The following ADAM12 variants were observed in gnomAD, a reference collection of about 807,000 sequenced individuals.
ADAM12 encodes the protein disintegrin and metalloproteinase domain-containing protein 12.
ADAM12 carries 70 observed loss-of-function variants against 106.4 expected under a neutral mutation model. That is an observed-to-expected ratio of 0.66 (90% CI 0.54 to 0.80). The LOEUF (loss-of-function observed/expected upper bound fraction) is 0.80, where lower values mean the gene tolerates loss of function less well. Among genes scored for constraint, ADAM12 ranks in the 30% least tolerant of loss-of-function variants. The pLI, the probability that ADAM12 is intolerant of heterozygous loss-of-function variation, is 0.00. For missense variants in ADAM12, 1,010 were observed against 1,171.9 expected (o/e 0.86, Z 2.02); for synonymous variants, 420 against 433.5 (o/e 0.97, Z 0.39).
rs1856387805 is a variant in ADAM12, at chr10:126,378,783, T to C, written c.88+9275A>G. 3.3e-5 allele frequency among the ~76,000 whole-genome samples: 5 copies of C among 152,354 alleles called. No individual in the cohort carries two copies. The South Asian group carries it at 1.0e-3, about 32-fold the overall frequency. On this transcript the variant is annotated intron_variant, in intron 1 of 22. Coordinates refer to ENST00000448723, the MANE Select transcript of ADAM12 (RefSeq NM_001288973.2). The stretch of plus-strand genomic sequence containing the variant: ...ATATGGGTGTATAACTTATTCTATG[T>C]CCATTTTTCAACTTTAAAATTGTCA...
intron 3 of ADAM12, among the ~76,000 whole-genome samples, chr10:126,175,879 G>A (rs929504629): frequency 1.3e-5 from 2 of 152,360 alleles, no homozygotes; most frequent in East Asian, 3.9e-4. Context: ...TCATGCAAGA[G>A]AGCCCAGTCA....
At chr10:126,079,632 A>G (rs1434289098) in intron 11 of ADAM12, among the ~76,000 whole-genome samples, 1 of 152,200 alleles carries the variant, frequency 6.6e-6, no homozygotes, top group African/African-American at 2.4e-5. Context: ...CAACTTCCCT[A>G]GATTTAAAAT....
intron 4 of ADAM12, among the ~76,000 whole-genome samples, chr10:126,152,670 TAAA>T (rs1294152929): frequency 6.6e-6 from 1 of 152,092 alleles, no homozygotes; most frequent in Non-Finnish European, 1.5e-5. Flanking sequence ...GTGAATCCTG[TAAA>T]AATGATGTAG....
In ADAM12 at chr10:126,041,681, C is replaced by T. The variant is rs145156529; in HGVS notation, c.2104+1359G>A. On this transcript the variant is annotated intron_variant, in intron 18 of 22. Coordinates refer to ENST00000448723, the MANE Select transcript of ADAM12 (RefSeq NM_001288973.2). The stretch of plus-strand genomic sequence containing the variant: ...ATATAATAAATGCTAAAAGCCATAT[C>T]AGAGCATTAAGTTGCAGCCAGAGAC... The T allele has an allele frequency of 1.1e-3, 1,079 of 998,126 alleles. 3 individuals carry two copies. In the African/African-American group the frequency reaches 0.016, roughly 15 times the overall value. The allele number at this position is 998,126 out of a possible 1,614,324, so 61.8% of individuals were successfully genotyped here.
intron 3 of ADAM12, among the ~76,000 whole-genome samples, chr10:126,276,260 C>T (rs1422925845): frequency 2.6e-5 from 4 of 152,150 alleles, no homozygotes; most frequent in Non-Finnish European, 5.9e-5. Flanking sequence ...TTATTGTACT[C>T]ATTGTTAAAC....
chr10:126,076,531 A>G (rs1404355283), intron 11 of ADAM12, among the ~76,000 whole-genome samples: 1 of 152,016 alleles, frequency 6.6e-6, no homozygotes, highest in Non-Finnish European at 1.5e-5. Context: ...AGCATCTGTT[A>G]TTTCTGACTT....
chr10:126,243,520 G>T (rs1183518049), intron 3 of ADAM12, among the ~76,000 whole-genome samples: 2 of 72,960 alleles, frequency 2.7e-5, no homozygotes, highest in South Asian at 4.8e-4. Flanking sequence ...TGTGTGTGTA[G>T]GTCATTCAGG....
chr10:126,371,163 G>A (rs1047061093), intron 1 of ADAM12, among the ~76,000 whole-genome samples: 6 of 152,198 alleles, frequency 3.9e-5, no homozygotes, highest in African/African-American at 7.2e-5. Context: ...AGTGGTCATA[G>A]TGCCTGCCTC....
At chr10:126,313,702 T>C (rs1458647479) in intron 2 of ADAM12, among the ~76,000 whole-genome samples, 8 of 152,150 alleles carry the variant, frequency 5.3e-5, no homozygotes, top group Non-Finnish European at 1.2e-4. Context: ...CACCTACACA[T>C]ATATCACTGG....
chr10:126,071,865 C>T (rs1343026742), intron 11 of ADAM12, among the ~76,000 whole-genome samples: 4 of 152,180 alleles, frequency 2.6e-5, no homozygotes, highest in Non-Finnish European at 4.4e-5. Context: ...ACAGTGCCAA[C>T]GCGGCTGATG....
At chr10:126,282,782 G>A (rs1405564936) in intron 2 of ADAM12, among the ~76,000 whole-genome samples, 1 of 151,970 alleles carries the variant, frequency 6.6e-6, no homozygotes, top group Non-Finnish European at 1.5e-5. Context: ...ATGTTCCTGT[G>A]TACATGTCTC....
chr10:126,099,635 T>C (rs1159892310), intron 9 of ADAM12, among the ~76,000 whole-genome samples: 1 of 152,206 alleles, frequency 6.6e-6, no homozygotes, highest in African/African-American at 2.4e-5. Context: ...AGTTCAAGAC[T>C]AATCAATGCA....
At position 126,043,224 on chromosome 10, in the gene ADAM12, C is replaced by T; in HGVS notation, c.1996-76G>A. The T allele has an allele frequency of 2.2e-6, 3 of 1,352,424 alleles. No individual in the cohort carries two copies. The highest frequency in any genetic ancestry group is 3.1e-6 in the Non-Finnish European group (3 of 967,952). 83.8% of individuals were successfully genotyped at this position (1,352,424 alleles called of 1,614,324 possible). On this transcript the variant is annotated intron_variant, in intron 17 of 22. Coordinates refer to ENST00000448723, the MANE Select transcript of ADAM12 (RefSeq NM_001288973.2). The surrounding 1 kb of genome is among the most constrained non-coding windows in gnomAD (Gnocchi z 4.1). ...TCACCACAGCAGAAGCAAGGGGGGCCATGGTCAGAGCCCCCCCCCAACACT... is the reference window on the plus strand; with the variant it reads ...TCACCACAGCAGAAGCAAGGGGGGCTATGGTCAGAGCCCCCCCCCAACACT...
chr10:126,228,544 C>T (rs1332856113), intron 3 of ADAM12, among the ~76,000 whole-genome samples: 1 of 152,170 alleles, frequency 6.6e-6, no homozygotes, highest in East Asian at 1.9e-4. Flanking sequence ...ACATCCTACT[C>T]ATAAGTCTAT....
rs1181302704 is a variant in ADAM12, at chr10:126,057,780, C to CAACA, written c.1609+7022_1609+7025dup. ...AGGTTGCTCTGGGAGCTTGGAGCAG[C>CAACA]AACAGCACTTTGTGAAAACGGACTG... On this transcript the variant is annotated intron_variant, in intron 14 of 22. Coordinates refer to ENST00000448723, the MANE Select transcript of ADAM12 (RefSeq NM_001288973.2). Among the ~76,000 whole-genome samples the CAACA allele has an allele frequency of 1.2e-4, 18 of 152,302 alleles. No individual in the cohort carries two copies. In the East Asian group the frequency reaches 3.5e-3, roughly 29 times the overall value.
In ADAM12 at chr10:126,249,555, G is replaced by A. The variant is rs530979418; in HGVS notation, c.260+29360C>T. 3.9e-5 allele frequency among the ~76,000 whole-genome samples: 6 copies of A among 152,244 alleles called. No individual in the cohort carries two copies. In the East Asian group the frequency reaches 5.8e-4, roughly 15 times the overall value. On this transcript the variant is annotated intron_variant, in intron 3 of 22. Coordinates refer to ENST00000448723, the MANE Select transcript of ADAM12 (RefSeq NM_001288973.2). ...CTAGTAAAAATACAAAAAATTAGCCGCGTGTGGTGGCGGGCGCCTGTGCCT... is the reference window on the plus strand; with the variant it reads ...CTAGTAAAAATACAAAAAATTAGCCACGTGTGGTGGCGGGCGCCTGTGCCT...
chr10:126,276,456 A>G (rs1213171239), intron 3 of ADAM12, among the ~76,000 whole-genome samples: 1 of 152,148 alleles, frequency 6.6e-6, no homozygotes, highest in East Asian at 1.9e-4. Flanking sequence ...ATTTCACTCT[A>G]CTTGATTTTT....
intron 2 of ADAM12, among the ~76,000 whole-genome samples, chr10:126,291,086 A>G (rs1361014208): frequency 6.6e-6 from 1 of 152,236 alleles, no homozygotes; most frequent in African/African-American, 2.4e-5. Context: ...GTGTTTATTA[A>G]CCAGAAAGCT....
In ADAM12 at chr10:126,109,853, A is replaced by T. The variant is rs1394653686; in HGVS notation, c.604-13T>A. ...TCTCTCTTTTATGCTGCCAAGAGTA[A>T]ACATGCACTTAATCTCTCTTAATGC... On this transcript the variant is annotated splice_polypyrimidine_tract_variant and intron_variant, in intron 6 of 22. Transcript: ENST00000448723. 6.2e-7 allele frequency: 1 copy of T among 1,611,586 alleles called. No homozygotes were observed. Among genetic ancestry groups the T allele is most frequent in the Admixed American group, 1.7e-5 (1 of 59,852 alleles).
Sources: allele counts gnomAD v4.1 joint callset (sites outside exome capture counted in the v4.1 genomes callset), GRCh38; gene constraint gnomAD v4.1.1; non-coding constraint Gnocchi (gnomAD v3.1); transcripts MANE v1.5; gene names NCBI Gene and HGNC (gene_info 2026-07-23, HGNC 2026-07-21).